The following WDR83 variants were observed in gnomAD, a reference collection of about 807,000 sequenced individuals.
WDR83 encodes WD repeat domain 83, also known as WD repeat domain-containing protein 83.
WDR83 carries 37 observed loss-of-function variants against 37.7 expected under a neutral mutation model. The observed-to-expected ratio is 0.98, with a 90% confidence interval of 0.76 to 1.29. WDR83 has a LOEUF of 1.29. WDR83 is among the 50% of genes most tolerant of loss of function. WDR83 has a pLI of 0.00. For missense variants in WDR83, 445 were observed against 414.4 expected (o/e 1.07, Z -0.64); for synonymous variants, 174 against 181.1 (o/e 0.96, Z 0.31).
At chr19:12,671,651 A>T (rs1568313759) in intron 7 of WDR83, among the ~76,000 whole-genome samples, 1 of 152,224 alleles carries the variant, frequency 6.6e-6, no homozygotes, top group Admixed American at 6.5e-5. Flanking sequence ...CCGTCTCAAA[A>T]TAAGTAAATA....
chr19:12,670,124 G>A (rs376277610), intron 4 of WDR83, 27 bp downstream of exon 4: 41 of 1,606,932 alleles, frequency 2.6e-5, no homozygotes, highest in East Asian at 4.5e-5. Context: ...GCTGGGATGG[G>A]AGCGCTGAGG....
chr19:12,670,265 A>C lies in WDR83; in HGVS notation c.310A>C (p.Lys104Gln), dbSNP rs1332370575. 3 of 1,613,946 alleles carry C rather than the reference A, an allele frequency of 1.9e-6. No homozygotes were observed. Among genetic ancestry groups the C allele is most frequent in the Non-Finnish European group, 2.5e-6 (3 of 1,180,002 alleles). The change falls in exon 5 of 11, where the codon AAA becomes CAA. Residue 104 changes from lysine (K) to glutamine (Q), a missense_variant. Lys to Gln is a moderately conservative substitution (Grantham distance 53). Transcript: ENST00000418543. Reference protein sequence around the residue: ...WDVASGQVVRKFRGHAGKVNT... With the variant: ...WDVASGQVVRQFRGHAGKVNT... ...TGTGGCATCAGGGCAGGTCGTGCGC[A>C]AATTCCGGGGCCACGCAGGGGTGAG...
intron 10 of WDR83, among the ~76,000 whole-genome samples, chr19:12,673,650 T>C (rs1328707106): frequency 1.3e-5 from 2 of 152,042 alleles, no homozygotes; most frequent in Non-Finnish European, 1.5e-5. Context: ...ACTCCTGACC[T>C]CATGATCCAC....
Position 12,675,755 on chromosome 19 carries a change from G to C in WDR83, c.*83G>C. 6.4e-7 allele frequency: 1 copy of C among 1,568,160 alleles called. No homozygotes were observed. The highest frequency in any genetic ancestry group is 8.6e-7 in the Non-Finnish European group (1 of 1,156,394). On this transcript the variant is annotated 3_prime_UTR_variant, in exon 11 of 11. Coordinates refer to ENST00000418543, the MANE Select transcript of WDR83 (RefSeq NM_001099737.3). ...GATACCATCTTATTCTAGAGACGTA[G>C]CTGACCAAAAAGTAGGGGAGGGGCT...
In WDR83 at chr19:12,666,826, G is replaced by T. The variant is rs556845235; in HGVS notation, c.-323G>T. On this transcript the variant is annotated 5_prime_UTR_variant, in exon 1 of 11. Transcript: ENST00000418543. ...CAGGGCGCGGTCTGGAGGCTCACGG[G>T]AGAGAGGCTGTAGCCCTGGGCAATC... 15 of 939,006 alleles carry T rather than the reference G, an allele frequency of 1.6e-5. No individual in the cohort carries two copies. Among genetic ancestry groups the T allele is most frequent in the Non-Finnish European group, 2.0e-5 (13 of 642,806 alleles). The allele number at this position is 939,006 out of a possible 1,614,324, so 58.2% of individuals were successfully genotyped here. A position where few individuals can be genotyped will look rare whatever the true frequency, so the allele number is the denominator to read the frequency against.
Position 12,672,849 on chromosome 19 carries a change from C to A in WDR83, c.509C>A (p.Ser170Tyr). Residue 170 changes from serine to tyrosine, a missense_variant and splice_region_variant, in exon 8 of 11, where the codon TCC (serine) becomes TAC (tyrosine). Transcript: ENST00000418543. ...GCTGGATCTACCCTCTCCTGCAGCT[C>A]CGTGGATGGCCGCGTGAGACGCTAT... ...KVSDHEILAG[S>Y]VDGRVRRYDL... 1.3e-6 allele frequency: 2 copies of A among 1,580,992 alleles called. No individual in the cohort carries two copies. The highest frequency in any genetic ancestry group is 1.7e-6 in the Non-Finnish European group (2 of 1,163,440).
intron 10 of WDR83, among the ~76,000 whole-genome samples, chr19:12,674,470 G>A (rs1026381514): frequency 2.0e-5 from 3 of 152,194 alleles, no homozygotes; most frequent in Admixed American, 6.5e-5. Flanking sequence ...AAGACTTGGC[G>A]GACAAGCTCT....
Position 12,670,019 on chromosome 19 carries a change from T to G in WDR83, c.146T>G (p.Leu49Arg), listed in dbSNP as rs759389937. The change falls in exon 4 of 11, where the codon CTG becomes CGG. Residue 49 changes from leucine to arginine, a missense_variant. By Grantham distance (102) the Leu-to-Arg change is moderately radical (BLOSUM62 -2). Transcript: ENST00000418543. Reference sequence around the variant, plus strand: ...CTGACGTGCGGCAGTGACAAGACGCTGAAGCTGTGGAACCCGCTTCGGGGG... The same window carrying G: ...CTGACGTGCGGCAGTGACAAGACGCGGAAGCTGTGGAACCCGCTTCGGGGG... ...YCLTCGSDKTLKLWNPLRGTL... is the reference protein window; with the variant it reads ...YCLTCGSDKTRKLWNPLRGTL... 1.2e-6 allele frequency: 2 copies of G among 1,613,264 alleles called. No homozygotes were observed. Among genetic ancestry groups the G allele is most frequent in the Admixed American group, 3.3e-5 (2 of 59,998 alleles).
At position 12,673,330 on chromosome 19, in the gene WDR83, A is replaced by T; in HGVS notation, c.798+14A>T. 6.3e-7 allele frequency: 1 copy of T among 1,578,990 alleles called. No individual in the cohort carries two copies. Among genetic ancestry groups the T allele is most frequent in the Non-Finnish European group, 8.6e-7 (1 of 1,157,312 alleles). ...GACCTGGTGGAGGTGAGGTGCCCCCAGCCCTACTTCATACCTAGATGCCTG... is the reference window on the plus strand; with the variant it reads ...GACCTGGTGGAGGTGAGGTGCCCCCTGCCCTACTTCATACCTAGATGCCTG... On this transcript the variant is annotated intron_variant, in intron 10 of 10. Coordinates refer to ENST00000418543, the MANE Select transcript of WDR83 (RefSeq NM_001099737.3).
chr19:12,670,280 G>GC lies in WDR83; in HGVS notation c.326dup (p.Gly110ArgfsTer9), dbSNP rs747695939. On this transcript the variant is annotated frameshift_variant, in exon 5 of 11. Transcript: ENST00000418543. LOFTEE classifies it high-confidence loss of function. ...GGTCGTGCGCAAATTCCGGGGCCAC[G>GC]CAGGGGTGAGTGAAAGCCTGGAGAC... 6.2e-7 allele frequency: 1 copy of GC among 1,613,714 alleles called. No homozygotes were observed.
chr19:12,675,770 G>T lies in WDR83; in HGVS notation c.*98G>T. On this transcript the variant is annotated 3_prime_UTR_variant, in exon 11 of 11. Transcript: ENST00000418543. ...TAGAGACGTAGCTGACCAAAAAGTA[G>T]GGGAGGGGCTGGGTCTGCAAATTAA... 6.4e-7 allele frequency: 1 copy of T among 1,567,798 alleles called. No homozygotes were observed.
Position 12,672,872 on chromosome 19 carries a change from T to A in WDR83, c.532T>A (p.Tyr178Asn). Residue 178 changes from tyrosine to asparagine, a missense_variant, in exon 8 of 11, where the codon TAT becomes AAT. Transcript: ENST00000418543. ...CTCCGTGGATGGCCGCGTGAGACGC[T>A]ATGACCTAAGGATGGGGCAGCTCTT... ...AGSVDGRVRR[Y>N]DLRMGQLFSD... The A allele has an allele frequency of 6.3e-7, 1 of 1,593,608 alleles. No homozygotes were observed. The highest frequency in any genetic ancestry group is 8.5e-7 in the Non-Finnish European group (1 of 1,169,962).
At chr19:12,669,664 C>T (rs574254127) in intron 2 of WDR83, 91 bp from the exon 3 acceptor site, 11 of 1,096,112 alleles carry the variant, frequency 1.0e-5, no homozygotes, top group Admixed American at 2.7e-5. Flanking sequence ...AATGATGAAC[C>T]CGGAAGTGAT....
At chr19:12,669,307 T>C (rs771747145) in intron 2 of WDR83, 2 of 1,606,610 alleles carry the variant, frequency 1.2e-6, no homozygotes, top group African/African-American at 1.3e-5. Flanking sequence ...AGGGCCCCGA[T>C]CCACACCCAC....
chr19:12,670,729 C>G lies in WDR83; in HGVS notation c.414C>G (p.Cys138Trp), dbSNP rs759686379. 2 of 1,614,200 alleles carry G rather than the reference C, an allele frequency of 1.2e-6. No individual in the cohort carries two copies. Among genetic ancestry groups the G allele is most frequent in the Non-Finnish European group, 1.7e-6 (2 of 1,180,024 alleles). The part of the protein sequence containing the change: ...SIDSSIRCWD[C>W]RSRRPEPVQT... The stretch of plus-strand genomic sequence containing the variant: ...ATTCCAGTATCCGCTGTTGGGATTG[C>G]CGCTCACGGAGGCCTGAGCCAGTGC... Residue 138 changes from cysteine (C) to tryptophan (W), a missense_variant, in exon 7 of 11, where the codon TGC (cysteine) becomes TGG (tryptophan). Transcript: ENST00000418543.
rs1338761577 is a variant in WDR83 at position 12,670,774 on chromosome 19, A to G, written c.459A>G (p.Arg153=). 6.2e-7 allele frequency: 1 copy of G among 1,614,064 alleles called. No homozygotes were observed. The highest frequency in any genetic ancestry group is 1.7e-5 in the Admixed American group (1 of 59,994). The change falls in exon 7 of 11, where the codon AGA becomes AGG. Residue 153 remains arginine, a synonymous_variant. Coordinates refer to ENST00000418543, the MANE Select transcript of WDR83 (RefSeq NM_001099737.3). ...PEPVQTLDEA[R]DGVSSVKVSD... is the part of the protein sequence containing the mutation. ...CAGTGCAGACGCTGGATGAGGCCAG[A>G]GATGGCGTGTCCAGTGTGAAGGTGT...
At chr19:12,668,687 A>G in intron 2 of WDR83, 60 bp downstream of exon 2, 1 of 1,310,592 alleles carries the variant, frequency 7.6e-7, no homozygotes, top group Non-Finnish European at 1.1e-6. Context: ...CCACCTTTCC[A>G]GACACCAGAT....
At chr19:12,674,365 G>C (rs1163610295) in intron 10 of WDR83, among the ~76,000 whole-genome samples, 1 of 152,204 alleles carries the variant, frequency 6.6e-6, no homozygotes, top group East Asian at 1.9e-4. Context: ...AGTGGGGTCA[G>C]AGCCGGGGGA....
chr19:12,675,489 C>A, intron 10 of WDR83, 34 bp from the exon 11 acceptor site: 1 of 1,594,888 alleles, frequency 6.3e-7, no homozygotes. Context: ...ACAGCCCAGC[C>A]ACAGATAACC....
Sources: gnomAD v4.1 joint callset for allele counts (sites outside exome capture counted in the v4.1 genomes callset) on GRCh38, gnomAD v4.1.1 for gene constraint, MANE v1.5 for transcripts, NCBI Gene and HGNC (gene_info 2026-07-23, HGNC 2026-07-21) for gene names.